Variants in GALK2 observed in about 807,000 individuals in gnomAD.
GALK2 encodes N-acetylgalactosamine kinase.
A neutral mutation model predicts 52.4 loss-of-function variants in GALK2; 36 were observed. The observed-to-expected ratio is 0.69, with a 90% confidence interval of 0.53 to 0.91. The LOEUF (loss-of-function observed/expected upper bound fraction) is 0.91. Ranked by LOEUF, GALK2 falls within the 40% of genes least tolerant of loss-of-function variation. The probability of loss-of-function intolerance (pLI) is 0.00; values close to 1 mark genes in which losing one functional copy is unlikely to be tolerated. For synonymous variants in GALK2, 176 were observed against 199.1 expected (o/e 0.88, Z 0.98); for missense variants, 579 against 559.1 (o/e 1.04, Z -0.36).
intron 3 of GALK2, chr15:49,366,812 G>A (rs2045295758): frequency 1.8e-6 from 1 of 554,200 alleles, no homozygotes; most frequent in African/African-American, 2.0e-5. Flanking sequence ...GCTGCTGCAG[G>A]GGCCGCCACT....
chr15:49,258,409 A>G (rs1271380013), intron 5 of GALK2, among the ~76,000 whole-genome samples: 1 of 152,052 alleles, frequency 6.6e-6, no homozygotes, highest in Non-Finnish European at 1.5e-5. Flanking sequence ...TTTTGGGATA[A>G]GGGCATTCCA....
Position 49,367,461 on chromosome 15 carries a change from T to C in GALK2, c.427-30T>C, listed in dbSNP as rs760640496. ...TAAAAAGGATATGGTTCCTGGAATA[T>C]CTTAGTGAGTTTAATCTTGGTTTTC... On this transcript the variant is annotated intron_variant, in intron 3 of 3. Coordinates refer to the GALK2 transcript ENST00000558399. The C allele has an allele frequency of 1.9e-6, 3 of 1,588,258 alleles. No individual in the cohort carries two copies. The Admixed American group carries it at 5.9e-5, about 31-fold the overall frequency.
chr15:49,168,351 TA>T (rs1377111040), upstream of GALK2, among the ~76,000 whole-genome samples: 2 of 152,184 alleles, frequency 1.3e-5, no homozygotes, highest in Non-Finnish European at 2.9e-5. Context: ...TTTGGACTGT[TA>T]AAAAAATTCA....
intron 8 of GALK2, among the ~76,000 whole-genome samples, chr15:49,298,285 T>C (rs1281948644): frequency 6.6e-6 from 1 of 152,198 alleles, no homozygotes; most frequent in East Asian, 1.9e-4. Flanking sequence ...GAAACTTTAC[T>C]GAAGTTATTT....
chr15:49,167,754 A>G (rs1483441898), upstream of GALK2, among the ~76,000 whole-genome samples: 2 of 152,232 alleles, frequency 1.3e-5, no homozygotes, highest in African/African-American at 2.4e-5. Flanking sequence ...TCTATCCCAT[A>G]AGGATTGTTG....
chr15:49,355,109 C>A (rs2042915429), intron 3 of GALK2, among the ~76,000 whole-genome samples: 2 of 150,876 alleles, frequency 1.3e-5, no homozygotes, highest in South Asian at 2.1e-4. Flanking sequence ...TCATCAAAGA[C>A]CAAAAGTAGA....
At chr15:49,256,341 A>AC (rs1378626712) in intron 5 of GALK2, among the ~76,000 whole-genome samples, 1 of 152,130 alleles carries the variant, frequency 6.6e-6, no homozygotes, top group Non-Finnish European at 1.5e-5. Flanking sequence ...TCTGCAGGGA[A>AC]CAGGTGGACT....
intron 1 of GALK2, among the ~76,000 whole-genome samples, chr15:49,159,543 T>A (rs539152013): frequency 1.2e-4 from 17 of 146,630 alleles, no homozygotes; most frequent in Admixed American, 7.6e-4. Flanking sequence ...ACCATTGCAC[T>A]CCAGCCTGGG....
intron 1 of GALK2, chr15:49,156,550 G>T: frequency 1.9e-6 from 1 of 518,886 alleles, no homozygotes. Flanking sequence ...AAGATCCTGT[G>T]TCTTCCGTGC....
rs1325401346 is a variant in GALK2 at position 49,328,351 on chromosome 15, A to G, written c.*192A>G. 1.4e-6 allele frequency: 2 copies of G among 1,429,098 alleles called. No individual in the cohort carries two copies. The highest frequency in any genetic ancestry group is 1.8e-6 in the Non-Finnish European group (2 of 1,095,382). 88.5% of individuals were successfully genotyped at this position (1,429,098 alleles called of 1,614,324 possible). A position where few individuals can be genotyped will look rare whatever the true frequency, so the allele number is the denominator to read the frequency against. ...AATGATTCTTTTTCCATCTTAAAATATGGTTTTACTATTAAGAGCCAAGAT... is the reference window on the plus strand; with the variant it reads ...AATGATTCTTTTTCCATCTTAAAATGTGGTTTTACTATTAAGAGCCAAGAT... On this transcript the variant is annotated 3_prime_UTR_variant, in exon 10 of 10. Transcript: ENST00000560031.
chr15:49,299,872 G>T (rs1158315472), intron 8 of GALK2, among the ~76,000 whole-genome samples: 2 of 150,888 alleles, frequency 1.3e-5, no homozygotes, highest in African/African-American at 4.9e-5. Context: ...TGGGCATGTG[G>T]TCAGTCTTAT....
intron 1 of GALK2, chr15:49,177,671 T>C (rs2085570488): frequency 2.7e-6 from 1 of 364,422 alleles, no homozygotes; most frequent in Admixed American, 3.7e-5. Flanking sequence ...ACCAGGAGTG[T>C]GGTGGAACTT....
intron 3 of GALK2, among the ~76,000 whole-genome samples, chr15:49,341,540 T>A (rs2040728004): frequency 6.6e-6 from 1 of 152,054 alleles, no homozygotes; most frequent in South Asian, 2.1e-4. Flanking sequence ...TTAGTAGAGA[T>A]GAGGTTTCAC....
At chr15:49,299,712 T>TGC in intron 8 of GALK2, among the ~76,000 whole-genome samples, 1 of 30,466 alleles carries the variant, frequency 3.3e-5, no homozygotes, top group Admixed American at 3.5e-4. Context: ...TGGTATTGCT[T>TGC]TCTTTCTTTC....
intron 3 of GALK2, among the ~76,000 whole-genome samples, chr15:49,360,666 A>G (rs2044060458): frequency 1.3e-5 from 2 of 152,152 alleles, no homozygotes; most frequent in South Asian, 4.1e-4. Flanking sequence ...TCTAAATCCT[A>G]GACATCAAAG....
chr15:49,197,880 A>C lies in GALK2; in HGVS notation c.54-3282A>C, dbSNP rs996527163. 5.9e-5 allele frequency among the ~76,000 whole-genome samples: 9 copies of C among 152,146 alleles called. 1 individual carries two copies. The highest frequency in any genetic ancestry group is 2.2e-4 in the African/African-American group (9 of 41,500). On this transcript the variant is annotated intron_variant, in intron 1 of 9. Coordinates refer to ENST00000560031, the MANE Select transcript of GALK2 (RefSeq NM_002044.4). ...TGTACTTATATTTTAAAACACCCTT[A>C]GAAAATAGGGGAATATTTTCTTATT...
At chr15:49,283,943 A>G (rs2033045483) in intron 7 of GALK2, among the ~76,000 whole-genome samples, 1 of 152,164 alleles carries the variant, frequency 6.6e-6, no homozygotes, top group Non-Finnish European at 1.5e-5. Context: ...AGGGCAGCTT[A>G]TATATGTGAA....
intron 8 of GALK2, among the ~76,000 whole-genome samples, chr15:49,297,225 C>CT (rs141274001): frequency 6.6e-6 from 1 of 152,000 alleles, no homozygotes; most frequent in Non-Finnish European, 1.5e-5. Context: ...ATGTGTATGT[C>CT]TTTTTTTGAG....
downstream of GALK2, among the ~76,000 whole-genome samples, chr15:49,333,917 C>G (rs2039252083): frequency 6.6e-6 from 1 of 151,960 alleles, no homozygotes; most frequent in South Asian, 2.1e-4. Context: ...AAAAAACTAG[C>G]CCAATAGAGA....
Sources: allele counts gnomAD v4.1 joint callset (sites outside exome capture counted in the v4.1 genomes callset), GRCh38; gene constraint gnomAD v4.1.1; transcripts MANE v1.5; gene names NCBI Gene and HGNC (gene_info 2026-07-23, HGNC 2026-07-21).